The following EML5 variants were observed in gnomAD, a reference collection of about 807,000 sequenced individuals.
EML5 encodes the protein echinoderm microtubule-associated protein-like 5.
Under a neutral mutation model 250.0 loss-of-function variants are expected in EML5, and 120 were observed. The ratio of observed to expected loss-of-function variants is 0.48; its 90% confidence interval spans 0.41 to 0.56. EML5 has a LOEUF of 0.56. Among genes scored for constraint, EML5 ranks in the 20% least tolerant of loss-of-function variants. The pLI is 0.00. For missense variants in EML5, 2,006 were observed against 2,437.6 expected (o/e 0.82, Z 3.73); for synonymous variants, 771 against 806.5 (o/e 0.96, Z 0.75).
chr14:88,702,820 C>T (rs1363465945), intron 13 of EML5, among the ~76,000 whole-genome samples, 188 bp from the exon 14 acceptor site: 1 of 152,106 alleles, frequency 6.6e-6, no homozygotes, highest in African/African-American at 2.4e-5. Flanking sequence ...AGTGGTGTGA[C>T]TGCAGTTCCC....
At chr14:88,779,667 A>C (rs1189178835) in intron 1 of EML5, among the ~76,000 whole-genome samples, 1 of 152,184 alleles carries the variant, frequency 6.6e-6, no homozygotes, top group Non-Finnish European at 1.5e-5. Flanking sequence ...CTGCTCTCTG[A>C]TGTCAAGATA....
At position 88,715,035 on chromosome 14, in the gene EML5, A is replaced by T. The variant is rs1162360911; in HGVS notation, c.1348T>A (p.Ser450Thr). The change falls in exon 9 of 44, where the codon TCC becomes ACC. Residue 450 changes from serine to threonine, a missense_variant. Physicochemically the swap from Ser to Thr is moderately conservative, Grantham distance 58. Coordinates refer to ENST00000554922, the MANE Select transcript of EML5 (RefSeq NM_183387.3). ...TCCAGATGAGTGATGAAACTAAGGGATCCCAAACACTCGCCAACTTTTTTA... is the reference window on the plus strand; with the variant it reads ...TCCAGATGAGTGATGAAACTAAGGGTTCCCAAACACTCGCCAACTTTTTTA... ...RYKKVGECLG[S>T]LSFITHLDWS... 1 of 1,613,794 alleles carries T rather than the reference A, an allele frequency of 6.2e-7. No homozygotes were observed. The highest frequency in any genetic ancestry group is 8.5e-7 in the Non-Finnish European group (1 of 1,179,854).
rs1368085474 is a variant in EML5 at position 88,792,619 on chromosome 14, T to G, written c.-116A>C. The G allele has an allele frequency of 8.6e-7, 1 of 1,168,036 alleles. No homozygotes were observed. Among genetic ancestry groups the G allele is most frequent in the African/African-American group, 1.6e-5 (1 of 61,792 alleles). The allele number at this position is 1,168,036 out of a possible 1,614,324, so 72.4% of individuals were successfully genotyped here. A position where few individuals can be genotyped will look rare whatever the true frequency, so the allele number is the denominator to read the frequency against. On this transcript the variant is annotated 5_prime_UTR_variant, in exon 1 of 44. Coordinates refer to ENST00000554922, the MANE Select transcript of EML5 (RefSeq NM_183387.3). This position sits in a 1 kb window ranked among gnomAD's most constrained non-coding sequence, Gnocchi z 6.9. Reference sequence around the variant, plus strand: ...CCGGGACTTCCCGCCAGCCGCGTCCTCTAAGCCGCGCCCGTCAGGTGCATC... The same window carrying G: ...CCGGGACTTCCCGCCAGCCGCGTCCGCTAAGCCGCGCCCGTCAGGTGCATC...
At chr14:88,783,911 T>A (rs543130975) in intron 1 of EML5, among the ~76,000 whole-genome samples, 3 of 152,194 alleles carry the variant, frequency 2.0e-5, no homozygotes, top group Non-Finnish European at 4.4e-5. Flanking sequence ...GTGTGTTGGG[T>A]CATAAGACAA....
chr14:88,678,353 T>C lies in EML5; in HGVS notation c.3124+3537A>G, dbSNP rs1270892529. On this transcript the variant is annotated intron_variant, in intron 21 of 43. Coordinates refer to ENST00000554922, the MANE Select transcript of EML5 (RefSeq NM_183387.3). ...CACATGGAGCTTAATATCTAGGTGA[T>C]GGGTTGACAGGTGCAACAAGCCATC... Among the ~76,000 whole-genome samples, 12 of 152,232 alleles carry C rather than the reference T, an allele frequency of 7.9e-5. No individual in the cohort carries two copies. The South Asian group carries it at 1.4e-3, about 18-fold the overall frequency.
At chr14:88,698,913 C>T (rs962437066) in intron 14 of EML5, among the ~76,000 whole-genome samples, 1 of 151,956 alleles carries the variant, frequency 6.6e-6, no homozygotes, top group African/African-American at 2.4e-5. Flanking sequence ...AACAACTCTA[C>T]GAGATGGGAA....
intron 1 of EML5, among the ~76,000 whole-genome samples, chr14:88,773,565 G>A (rs1460424868): frequency 6.6e-6 from 1 of 152,164 alleles, no homozygotes; most frequent in Admixed American, 6.5e-5. Context: ...ATCCAGAGCA[G>A]TGGTTTTCAA....
intron 14 of EML5, among the ~76,000 whole-genome samples, chr14:88,701,117 G>C (rs1458212975): frequency 6.6e-6 from 1 of 152,036 alleles, no homozygotes; most frequent in Non-Finnish European, 1.5e-5. Flanking sequence ...TCATTACATT[G>C]CTACCAGGCT....
chr14:88,617,131 A>C, intron 41 of EML5: 1 of 304,602 alleles, frequency 3.3e-6, no homozygotes. Flanking sequence ...CTTTATGAAA[A>C]CTGATAGAAC....
At chr14:88,748,648 TCAGGAAACC>T (rs1307631669) in intron 2 of EML5, among the ~76,000 whole-genome samples, 1 of 152,062 alleles carries the variant, frequency 6.6e-6, no homozygotes, top group African/African-American at 2.4e-5. Flanking sequence ...AGAAACAGAC[TCAGGAAACC>T]CAGAGATAAT....
At chr14:88,664,668 A>G (rs745391671) in intron 22 of EML5, 44 bp from the exon 23 acceptor site, 5 of 1,584,624 alleles carry the variant, frequency 3.2e-6, no homozygotes, top group Non-Finnish European at 4.3e-6. Flanking sequence ...ATCTTTGGAA[A>G]TACTTTTTTA....
intron 21 of EML5, among the ~76,000 whole-genome samples, chr14:88,673,455 G>T (rs2092519877): frequency 6.6e-6 from 1 of 152,220 alleles, no homozygotes; most frequent in Non-Finnish European, 1.5e-5. Context: ...CATTCCCCTT[G>T]AAAACCAGCA....
intron 8 of EML5, among the ~76,000 whole-genome samples, chr14:88,724,963 C>G (rs567172927): frequency 3.3e-5 from 5 of 152,288 alleles, no homozygotes; most frequent in Non-Finnish European, 5.9e-5. Flanking sequence ...TCTTTCATCT[C>G]TCTTCAAGAA....
Position 88,706,382 on chromosome 14 carries a change from T to C in EML5, c.1702A>G (p.Asn568Asp). ...KYIGHSAHVTNVRWSHDYQWV... is the reference protein window; with the variant it reads ...KYIGHSAHVTDVRWSHDYQWV... The stretch of plus-strand genomic sequence containing the variant: ...TGATAATCATGTGACCATCTGACAT[T>C]AGTTACGTGAGCTGAATGGCCAATA... Residue 568 changes from asparagine (N) to aspartate (D), a missense_variant, in exon 11 of 44, where the codon AAT (asparagine) becomes GAT (aspartate). Asn to Asp is a conservative substitution (Grantham distance 23, BLOSUM62 1). Coordinates refer to ENST00000554922, the MANE Select transcript of EML5 (RefSeq NM_183387.3). 3 of 1,607,510 alleles carry C rather than the reference T, an allele frequency of 1.9e-6. No individual in the cohort carries two copies.
At chr14:88,736,180 T>C (rs964462651) in intron 7 of EML5, among the ~76,000 whole-genome samples, 184 bp downstream of exon 7, 1 of 152,052 alleles carries the variant, frequency 6.6e-6, no homozygotes, top group Non-Finnish European at 1.5e-5. Flanking sequence ...TTTGTATTTT[T>C]AGTAGAGACG....
At position 88,616,137 on chromosome 14, in the gene EML5, C is replaced by T; in HGVS notation, c.5897+5G>A. 6.2e-7 allele frequency: 1 copy of T among 1,613,614 alleles called. No homozygotes were observed. The highest frequency in any genetic ancestry group is 8.5e-7 in the Non-Finnish European group (1 of 1,179,594). The stretch of plus-strand genomic sequence containing the variant: ...TGCTCTTCATGGGCTGAGAAAGTTA[C>T]TAACCTGCAGTCATCACCTCCAGCA... On this transcript the variant is annotated splice_donor_5th_base_variant and intron_variant, in intron 43 of 43. Transcript: ENST00000554922.
At position 88,760,278 on chromosome 14, in the gene EML5, G is replaced by T. The variant is rs578224620; in HGVS notation, c.198-5607C>A. On this transcript the variant is annotated intron_variant, in intron 1 of 43. Transcript: ENST00000554922. ...ATATTTTCTAAAACTTTTATAGTTT[G>T]TCTTACATTTAAAGCTACAATCTAT... Among the ~76,000 whole-genome samples, 52 of 152,162 alleles carry T rather than the reference G, an allele frequency of 3.4e-4. 1 individual carries two copies. Among genetic ancestry groups the T allele is most frequent in the African/African-American group, 1.2e-3 (48 of 41,528 alleles).
intron 19 of EML5, 67 bp downstream of exon 19, chr14:88,687,149 A>G: frequency 8.3e-7 from 1 of 1,202,834 alleles, no homozygotes; most frequent in Non-Finnish European, 1.2e-6. Flanking sequence ...CACCTCAGTG[A>G]TCACACACAT....
chr14:88,748,624 G>GA (rs1251869690), intron 2 of EML5, among the ~76,000 whole-genome samples: 1 of 152,040 alleles, frequency 6.6e-6, no homozygotes, highest in African/African-American at 2.4e-5. Flanking sequence ...ATAACCTGGG[G>GA]AAAATCACTC....
Sources: allele counts gnomAD v4.1 joint callset (sites outside exome capture counted in the v4.1 genomes callset), GRCh38; gene constraint gnomAD v4.1.1; non-coding constraint Gnocchi (gnomAD v3.1); transcripts MANE v1.5; gene names NCBI Gene and HGNC (gene_info 2026-07-23, HGNC 2026-07-21).